MYLK3: variants seen among roughly 807,000 people sequenced by gnomAD.
The protein encoded by MYLK3 is MLC kinase.
MYLK3 carries 55 observed loss-of-function variants against 76.3 expected under a neutral mutation model. That is an observed-to-expected ratio of 0.72 (90% CI 0.58 to 0.90). The LOEUF (loss-of-function observed/expected upper bound fraction) is 0.90, where lower values mean the gene tolerates loss of function less well. MYLK3 is among the 40% of genes least tolerant of loss of function. The pLI, the probability that MYLK3 is intolerant of heterozygous loss-of-function variation, is 0.00. For synonymous variants in MYLK3, 416 were observed against 425.4 expected (o/e 0.98, Z 0.27); for missense variants, 973 against 1,053.6 (o/e 0.92, Z 1.06).
intron 8 of MYLK3, chr16:46,725,903 C>T (rs1966839746): frequency 6.6e-6 from 1 of 152,284 alleles, no homozygotes; most frequent in East Asian, 1.9e-4. Context: ...AAATCCTTGC[C>T]TAAGCCAATG....
At chr16:46,720,423 C>T (rs1966787829) in intron 9 of MYLK3, among the ~76,000 whole-genome samples, 2 of 152,058 alleles carry the variant, frequency 1.3e-5, no homozygotes, top group South Asian at 4.1e-4. Context: ...TGGTCTCGAA[C>T]TCCTGGGGTC....
At chr16:46,728,350 T>C (rs1487865575) in intron 7 of MYLK3, among the ~76,000 whole-genome samples, 2 of 152,324 alleles carry the variant, frequency 1.3e-5, no homozygotes, top group African/African-American at 4.8e-5. Context: ...ACATCTTTTA[T>C]GTTTTCAAGA....
Position 46,706,543 on chromosome 16 carries a change from C to T in MYLK3, c.*1161G>A, listed in dbSNP as rs1966628593. ...TCCTGACCTCAAGTGATCTGCCTGC[C>T]TCAGCCTCCCAAAGTGCTGGGATTA... is the stretch of plus-strand genomic sequence containing the variant. On this transcript the variant is annotated 3_prime_UTR_variant, in exon 13 of 13. Transcript: ENST00000394809. The T allele has an allele frequency of 6.6e-6, 1 of 152,228 alleles. No individual in the cohort carries two copies. Among genetic ancestry groups the T allele is most frequent in the African/African-American group, 2.4e-5 (1 of 41,446 alleles). 9.4% of individuals were successfully genotyped at this position (152,228 alleles called of 1,614,324 possible).
upstream of MYLK3, among the ~76,000 whole-genome samples, chr16:46,750,451 T>G (rs1967108398): frequency 6.6e-6 from 1 of 152,180 alleles, no homozygotes; most frequent in Non-Finnish European, 1.5e-5. Flanking sequence ...ATCCCAGCAC[T>G]TTGGGAGGCC....
At chr16:46,734,883 T>TGTA (rs1966861059) in intron 3 of MYLK3, among the ~76,000 whole-genome samples, 1 of 152,200 alleles carries the variant, frequency 6.6e-6, no homozygotes, top group Non-Finnish European at 1.5e-5. Flanking sequence ...GGCTCACACT[T>TGTA]GTAATCCCAG....
chr16:46,711,916 G>A (rs961275594), intron 10 of MYLK3: 10 of 160,100 alleles, frequency 6.2e-5, no homozygotes, highest in Admixed American at 1.9e-4. Flanking sequence ...CCTTACTCTC[G>A]ATGAATACCT....
At chr16:46,745,700 C>T (rs545632685) in intron 1 of MYLK3, among the ~76,000 whole-genome samples, 4 of 152,102 alleles carry the variant, frequency 2.6e-5, no homozygotes, top group East Asian at 1.9e-4. Flanking sequence ...CAGTCGAGAT[C>T]GCGCCATTGA....
At chr16:46,718,636 G>A (rs146806922) in intron 9 of MYLK3, among the ~76,000 whole-genome samples, 17 of 152,278 alleles carry the variant, frequency 1.1e-4, no homozygotes, top group Non-Finnish European at 2.1e-4. Context: ...AGGGTACCGC[G>A]TGGCCATGAA....
chr16:46,732,584 T>C lies in MYLK3; in HGVS notation c.1086A>G (p.Thr362=), dbSNP rs1259172597. 3 of 1,598,308 alleles carry C rather than the reference T, an allele frequency of 1.9e-6. No individual in the cohort carries two copies. The highest frequency in any genetic ancestry group is 3.3e-5 in the Admixed American group (2 of 59,862). The change falls in exon 4 of 13, where the codon ACA becomes ACG. Residue 362 remains threonine (T), a synonymous_variant. Transcript: ENST00000394809. ...CTGGCTGGGCAGCTGCTGGAGCCTC[T>C]GTGGTGAGGGTGGGTCCAAGGCTGC... ...GRGSLGPTLT[T]EAPAAAQPGK... is the part of the protein sequence containing the mutation.
intron 1 of MYLK3, chr16:46,757,510 C>T (rs2143018455): frequency 1.0e-6 from 1 of 985,406 alleles, no homozygotes; most frequent in Non-Finnish European, 1.2e-6. Flanking sequence ...AGTCCCCATC[C>T]ATCAGCCACT....
At chr16:46,744,323 C>T (rs557045176) in intron 1 of MYLK3, among the ~76,000 whole-genome samples, 19 of 143,220 alleles carry the variant, frequency 1.3e-4, no homozygotes, top group Non-Finnish European at 2.1e-4. Flanking sequence ...TGAGCCACCA[C>T]ACCCAGCTTT....
Position 46,702,691 on chromosome 16 carries a change from G to A in MYLK3, c.*5013C>T, listed in dbSNP as rs962060044. On this transcript the variant is annotated 3_prime_UTR_variant, in exon 13 of 13. Coordinates refer to ENST00000394809, the MANE Select transcript of MYLK3 (RefSeq NM_182493.3). The stretch of plus-strand genomic sequence containing the variant: ...AATCCCAGCACTTTGGGAGGCCGAG[G>A]TGGGCAGATCACGAGGTCAAGAGAT... 1.3e-5 allele frequency among the ~76,000 whole-genome samples: 2 copies of A among 152,146 alleles called. No homozygotes were observed. The highest frequency in any genetic ancestry group is 2.9e-5 in the Non-Finnish European group (2 of 68,034).
intron 1 of MYLK3, among the ~76,000 whole-genome samples, chr16:46,761,748 G>T (rs1220977432): frequency 6.6e-6 from 1 of 152,238 alleles, no homozygotes; most frequent in East Asian, 1.9e-4. Context: ...AACCTGGGGG[G>T]TGGGGGTTGC....
rs1332616741 is a variant in MYLK3, at chr16:46,729,115, T to C, written c.1681A>G (p.Ile561Val). 1 of 1,614,026 alleles carries C rather than the reference T, an allele frequency of 6.2e-7. No homozygotes were observed. The highest frequency in any genetic ancestry group is 1.1e-5 in the South Asian group (1 of 91,082). ...AKDREDVKNE[I>V]NIMNQLSHVN... Reference sequence around the variant, plus strand: ...TGGCTGAGCTGGTTCATGATGTTGATCTCGTTCTTCACGTCCTCCTTGGGG... The same window carrying C: ...TGGCTGAGCTGGTTCATGATGTTGACCTCGTTCTTCACGTCCTCCTTGGGG... The change falls in exon 7 of 13, where the codon ATC becomes GTC. Residue 561 changes from isoleucine (I) to valine (V), a missense_variant. Physicochemically the swap from Ile to Val is conservative, Grantham distance 29. Around this residue, in one of 2 missense-constraint regions of MYLK3, gnomAD observed 332 missense variants for 416.6 expected, o/e 0.80. Coordinates refer to ENST00000394809, the MANE Select transcript of MYLK3 (RefSeq NM_182493.3).
At chr16:46,760,628 C>T (rs1039715130) in intron 1 of MYLK3, among the ~76,000 whole-genome samples, 1 of 152,216 alleles carries the variant, frequency 6.6e-6, no homozygotes, top group Non-Finnish European at 1.5e-5. Flanking sequence ...CCCCACCCCA[C>T]ATCCCATCAA....
intron 8 of MYLK3, 158 bp downstream of exon 8, chr16:46,727,078 G>A: frequency 1.7e-6 from 1 of 587,560 alleles, no homozygotes; most frequent in Non-Finnish European, 2.8e-6. Flanking sequence ...AGCCCCAAGA[G>A]GCAGCAAGAG....
In MYLK3 at chr16:46,707,724, T is replaced by G; in HGVS notation, c.2440A>C (p.Lys814Gln). ...YVVTAANRLR[K>Q]FPTSP ...GAAGATTAGGGAGAAGTTGGAAATT[T>G]CCTTAACCTGTTGGCAGCAGTCACC... The change falls in exon 13 of 13, where the codon AAA (lysine) becomes CAA (glutamine). Residue 814 changes from lysine (K) to glutamine (Q), a missense_variant. Physicochemically the swap from Lys to Gln is moderately conservative, Grantham distance 53. Coordinates refer to ENST00000394809, the MANE Select transcript of MYLK3 (RefSeq NM_182493.3). The G allele has an allele frequency of 6.2e-7, 1 of 1,613,262 alleles. No homozygotes were observed. Among genetic ancestry groups the G allele is most frequent in the South Asian group, 1.1e-5 (1 of 91,028 alleles).
intron 2 of MYLK3, 56 bp downstream of exon 2, chr16:46,740,001 T>C: frequency 7.7e-7 from 1 of 1,296,496 alleles, no homozygotes; most frequent in South Asian, 1.3e-5. Context: ...TTGGGGCCTT[T>C]ATTCTGAAGC....
intron 1 of MYLK3, among the ~76,000 whole-genome samples, chr16:46,745,110 T>G (rs1316649600): frequency 6.6e-6 from 1 of 152,210 alleles, no homozygotes; most frequent in Admixed American, 6.5e-5. Flanking sequence ...GGAGACTGAT[T>G]TGGAGTAACT....
Sources: allele counts gnomAD v4.1 joint callset (sites outside exome capture counted in the v4.1 genomes callset), GRCh38; gene constraint gnomAD v4.1.1; regional missense constraint gnomAD v4.1.1; transcripts MANE v1.5; gene names NCBI Gene and HGNC (gene_info 2026-07-23, HGNC 2026-07-21).